The following PHRF1 variants were observed in gnomAD, a reference collection of about 807,000 sequenced individuals.
PHRF1 encodes the protein PHD and RING finger domain-containing protein 1.
Under a neutral mutation model 128.9 loss-of-function variants are expected in PHRF1, and 53 were observed. That is an observed-to-expected ratio of 0.41 (90% CI 0.33 to 0.52). The LOEUF (loss-of-function observed/expected upper bound fraction) is 0.52, where lower values mean the gene tolerates loss of function less well. PHRF1 is among the 20% of genes least tolerant of loss of function. PHRF1 has a pLI of 0.21. For synonymous variants in PHRF1, 1,178 were observed against 980.6 expected (o/e 1.20, Z -3.76); for missense variants, 2,503 against 2,284.5 (o/e 1.10, Z -1.95).
intron 1 of PHRF1, among the ~76,000 whole-genome samples, chr11:580,838 G>C (rs1036015308): frequency 6.6e-6 from 1 of 151,892 alleles, no homozygotes; most frequent in Non-Finnish European, 1.5e-5. Context: ...ACAGGCGCCC[G>C]CCACCACGCC....
chr11:589,839 A>AT (rs1854835181), intron 4 of PHRF1, among the ~76,000 whole-genome samples: 52 of 49,370 alleles, frequency 1.1e-3, no homozygotes, highest in Admixed American at 3.0e-3. Flanking sequence ...CCTGAGAGAG[A>AT]GTCTGCAAAC....
At chr11:581,842 G>A (rs528246217) in intron 2 of PHRF1, 120 bp from the exon 3 acceptor site, 1 of 1,398,270 alleles carries the variant, frequency 7.2e-7, no homozygotes, top group Non-Finnish European at 9.5e-7. Flanking sequence ...GCCGGCCCTG[G>A]GGAAGCCGTT....
chr11:592,552 G>C lies in PHRF1; in HGVS notation c.505-7G>C. On this transcript the variant is annotated splice_polypyrimidine_tract_variant and splice_region_variant and intron_variant, in intron 5 of 17. Coordinates refer to ENST00000264555, the MANE Select transcript of PHRF1 (RefSeq NM_001286581.2). ...CTGTGTGGTGGTGACCGACGATTCT[G>C]TCCTAGATCCCAGTGGAGAACACCA... The C allele has an allele frequency of 3.1e-6, 5 of 1,613,696 alleles. No homozygotes were observed. The highest frequency in any genetic ancestry group is 4.2e-6 in the Non-Finnish European group (5 of 1,179,562).
At chr11:580,568 T>C (rs1383728495) in intron 1 of PHRF1, among the ~76,000 whole-genome samples, 1 of 152,198 alleles carries the variant, frequency 6.6e-6, no homozygotes, top group Non-Finnish European at 1.5e-5. Context: ...GTGGCCAGCC[T>C]TGGCAGGGAG....
At chr11:595,321 A>G (rs1056678200) in intron 6 of PHRF1, among the ~76,000 whole-genome samples, 1 of 152,210 alleles carries the variant, frequency 6.6e-6, no homozygotes, top group East Asian at 1.9e-4. Context: ...AAACAAAAAA[A>G]CACTATCTGT....
In PHRF1 at chr11:596,929, C is replaced by T. The variant is rs757839958; in HGVS notation, c.627C>T (p.His209=). The T allele has an allele frequency of 1.2e-6, 2 of 1,613,788 alleles. No homozygotes were observed. Among genetic ancestry groups the T allele is most frequent in the Non-Finnish European group, 1.7e-6 (2 of 1,179,792 alleles). ...GCCCTGCTCTCTCCTGTAGGTACCA[C>T]ATGGAATGCTTGGACCCCCCTCTCC... ...LLCDGCDAGY[H]MECLDPPLQE... Residue 209 remains histidine (H), a synonymous_variant, in exon 7 of 18, where the codon CAC becomes CAT. Coordinates refer to ENST00000264555, the MANE Select transcript of PHRF1 (RefSeq NM_001286581.2).
chr11:609,785 G>T (rs1403521473), intron 14 of PHRF1, 65 bp downstream of exon 14: 1 of 1,122,406 alleles, frequency 8.9e-7, no homozygotes, highest in Non-Finnish European at 1.2e-6. Flanking sequence ...GGCCCCCGCC[G>T]AGGACAGAGC....
chr11:605,085 C>CATCCCCG, intron 10 of PHRF1, 34 bp from the exon 11 acceptor site: 2 of 1,581,910 alleles, frequency 1.3e-6, no homozygotes, highest in Non-Finnish European at 1.7e-6. Flanking sequence ...ATCCCCGTCT[C>CATCCCCG]TCTGTTCATC....
At chr11:604,751 A>G (rs900428488) in intron 10 of PHRF1, among the ~76,000 whole-genome samples, 2 of 152,180 alleles carry the variant, frequency 1.3e-5, no homozygotes, top group Non-Finnish European at 2.9e-5. Flanking sequence ...GCCTCAAATG[A>G]TCTGTCTGCC....
chr11:607,082 G>T lies in PHRF1; in HGVS notation c.1626G>T (p.Gln542His), dbSNP rs202034943. 1 of 1,554,896 alleles carries T rather than the reference G, an allele frequency of 6.4e-7. No individual in the cohort carries two copies. The highest frequency in any genetic ancestry group is 2.3e-5 in the East Asian group (1 of 43,968). The part of the protein sequence containing the change: ...SAKRAAPVSF[Q>H]RNSGSLSRGE... Reference sequence around the variant, plus strand: ...GTTTTTTAGCTCCAGTTTCTTTTCAGCGAAACTCAGGCAGTCTGTCCAGAG... The same window carrying T: ...GTTTTTTAGCTCCAGTTTCTTTTCATCGAAACTCAGGCAGTCTGTCCAGAG... Residue 542 changes from glutamine to histidine, a missense_variant, in exon 14 of 18, where the codon CAG (glutamine) becomes CAT (histidine). Physicochemically the swap from Gln to His is conservative, Grantham distance 24 (BLOSUM62 0). Coordinates refer to ENST00000264555, the MANE Select transcript of PHRF1 (RefSeq NM_001286581.2).
At chr11:610,784 T>A (rs1856331149) in intron 16 of PHRF1, 23 bp downstream of exon 16, 2 of 1,594,254 alleles carry the variant, frequency 1.3e-6, no homozygotes, top group South Asian at 2.2e-5. Flanking sequence ...TCCTCCCACT[T>A]TCCCCATGTT....
Position 607,567 on chromosome 11 carries a change from T to C in PHRF1, c.2111T>C (p.Ile704Thr), listed in dbSNP as rs1167321440. Residue 704 changes from isoleucine (I) to threonine (T), a missense_variant, in exon 14 of 18, where the codon ATT becomes ACT. Physicochemically the swap from Ile to Thr is moderately conservative, Grantham distance 89. Transcript: ENST00000264555. ...GCGGCCCCGGCCCACGGGCAGAGCATTGAGATCCCCAGTGCCTGCATCAGC... is the reference window on the plus strand; with the variant it reads ...GCGGCCCCGGCCCACGGGCAGAGCACTGAGATCCCCAGTGCCTGCATCAGC... ...RDAAPAHGQS[I>T]EIPSACISRL... is the part of the protein sequence containing the mutation. 3.1e-6 allele frequency: 5 copies of C among 1,612,012 alleles called. No homozygotes were observed. Among genetic ancestry groups the C allele is most frequent in the African/African-American group, 1.3e-5 (1 of 74,766 alleles).
Position 606,484 on chromosome 11 carries a change from G to A in PHRF1, c.1497G>A (p.Glu499=), listed in dbSNP as rs1855949677. 3 of 1,594,544 alleles carry A rather than the reference G, an allele frequency of 1.9e-6. No individual in the cohort carries two copies. The highest frequency in any genetic ancestry group is 1.1e-5 in the South Asian group (1 of 88,308). Residue 499 remains glutamate (E), a synonymous_variant, in exon 13 of 18, where the codon GAG becomes GAA. Transcript: ENST00000264555. ...CGGTGCCAGAGCCAGACTTGGAGGA[G>A]GAGCCAGTGCCTGACCTGCTGGGCA... is the stretch of plus-strand genomic sequence containing the variant. ...PAAVPEPDLE[E]EPVPDLLGSI...
Position 597,797 on chromosome 11 carries a change from G to A in PHRF1, c.894+227G>A, listed in dbSNP as rs748956960. Among the ~76,000 whole-genome samples the A allele has an allele frequency of 1.3e-5, 2 of 152,180 alleles. No individual in the cohort carries two copies. Among genetic ancestry groups the A allele is most frequent in the Non-Finnish European group, 2.9e-5 (2 of 68,004 alleles). On this transcript the variant is annotated intron_variant, in intron 8 of 17. Coordinates refer to ENST00000264555, the MANE Select transcript of PHRF1 (RefSeq NM_001286581.2). The surrounding 1 kb of genome is among the most constrained non-coding windows in gnomAD (Gnocchi z 6.5). ...ACCTGGAGCCAGGTATTGAGGGGCA[G>A]GTGAAGCCTGGCCCTGGCGGGGTGG...
At position 606,460 on chromosome 11, in the gene PHRF1, G is replaced by C. The variant is rs567811926; in HGVS notation, c.1473G>C (p.Ala491=). The part of the protein sequence containing the change: ...VGLSRRRLPA[A]VPEPDLEEEP... ...CCCACAGGAGGCGCCTCCCTGCCGC[G>C]GTGCCAGAGCCAGACTTGGAGGAGG... Residue 491 remains alanine (A), a synonymous_variant, in exon 13 of 18, where the codon GCG becomes GCC. Transcript: ENST00000264555. 5.7e-6 allele frequency: 9 copies of C among 1,570,134 alleles called. No individual in the cohort carries two copies. In the East Asian group the frequency reaches 1.6e-4, roughly 29 times the overall value.
At chr11:578,553 G>A (rs1392693397) in intron 1 of PHRF1, among the ~76,000 whole-genome samples, 1 of 152,322 alleles carries the variant, frequency 6.6e-6, no homozygotes, top group Non-Finnish European at 1.5e-5. Flanking sequence ...GCCATTGCCT[G>A]TCGCCCCACC....
Position 607,320 on chromosome 11 carries a change from C to T in PHRF1, c.1864C>T (p.Pro622Ser). 1 of 1,612,684 alleles carries T rather than the reference C, an allele frequency of 6.2e-7. No individual in the cohort carries two copies. The highest frequency in any genetic ancestry group is 8.5e-7 in the Non-Finnish European group (1 of 1,179,876). ...QARNLSNGSV[P>S]GFRQSHSPWF... Reference sequence around the variant, plus strand: ...TCGGAACTTGTCAAATGGGAGTGTGCCTGGCTTCAGACAGAGCCACAGCCC... The same window carrying T: ...TCGGAACTTGTCAAATGGGAGTGTGTCTGGCTTCAGACAGAGCCACAGCCC... The change falls in exon 14 of 18, where the codon CCT becomes TCT. Residue 622 changes from proline (P) to serine (S), a missense_variant. By Grantham distance (74) the Pro-to-Ser change is moderately conservative. Transcript: ENST00000264555.
chr11:594,269 A>G (rs545306400), intron 6 of PHRF1, among the ~76,000 whole-genome samples: 193 of 150,772 alleles, frequency 1.3e-3, no homozygotes, highest in Non-Finnish European at 2.1e-3. Flanking sequence ...AGACCATGGC[A>G]TGATAGACCT....
At chr11:590,107 A>C (rs116085718) in intron 4 of PHRF1, among the ~76,000 whole-genome samples, 2,052 of 150,974 alleles carry the variant, frequency 0.014, 54 homozygotes, top group African/African-American at 0.048. Context: ...AATGTGTGCA[A>C]ACGGGCACGG....
Sources: allele counts gnomAD v4.1 joint callset (sites outside exome capture counted in the v4.1 genomes callset), GRCh38; gene constraint gnomAD v4.1.1; non-coding constraint Gnocchi (gnomAD v3.1); transcripts MANE v1.5; gene names NCBI Gene and HGNC (gene_info 2026-07-23, HGNC 2026-07-21).